The following BIN3 variants were observed in gnomAD, a reference collection of about 807,000 sequenced individuals.
BIN3 encodes the protein bridging integrator 3.
Under a neutral mutation model 38.2 loss-of-function variants are expected in BIN3, and 41 were observed. The observed-to-expected ratio is 1.07, with a 90% confidence interval of 0.84 to 1.39. BIN3 has a LOEUF of 1.39. Among genes scored for constraint, BIN3 ranks in the 40% most tolerant of loss-of-function variants. The probability of loss-of-function intolerance (pLI) is 0.00; values close to 1 mark genes in which losing one functional copy is unlikely to be tolerated. For missense variants in BIN3, 361 were observed against 324.3 expected (o/e 1.11, Z -0.87); for synonymous variants, 145 against 122.6 (o/e 1.18, Z -1.21).
At chr8:22,662,332 G>C (rs968716853) in intron 1 of BIN3, among the ~76,000 whole-genome samples, 1 of 152,188 alleles carries the variant, frequency 6.6e-6, no homozygotes, top group Non-Finnish European at 1.5e-5. Flanking sequence ...ACTTGGCATT[G>C]TCAGGCTTTA....
chr8:22,625,048 G>T, intron 6 of BIN3: 1 of 411,054 alleles, frequency 2.4e-6, no homozygotes, highest in Non-Finnish European at 4.4e-6. Context: ...CTCTGCCATT[G>T]GAACCGCCAA....
At chr8:22,639,085 G>C (rs1297369954) in intron 2 of BIN3, among the ~76,000 whole-genome samples, 3 of 152,242 alleles carry the variant, frequency 2.0e-5, no homozygotes, top group African/African-American at 7.2e-5. Context: ...TGGTGTGAAG[G>C]AGCCTCGCCA....
intron 2 of BIN3, among the ~76,000 whole-genome samples, chr8:22,644,111 T>A (rs1308486862): frequency 6.6e-6 from 1 of 152,260 alleles, no homozygotes; most frequent in African/African-American, 2.4e-5. Flanking sequence ...ATTTTCTTCA[T>A]CAGGAAAAAT....
intron 4 of BIN3, among the ~76,000 whole-genome samples, chr8:22,630,980 A>C (rs1345577575): frequency 6.6e-6 from 1 of 152,224 alleles, no homozygotes. Context: ...CTGGATGGAC[A>C]AGAATAACAG....
intron 2 of BIN3, among the ~76,000 whole-genome samples, chr8:22,644,112 C>T (rs1802644881): frequency 6.6e-6 from 1 of 152,196 alleles, no homozygotes; most frequent in Non-Finnish European, 1.5e-5. Flanking sequence ...TTTTCTTCAT[C>T]AGGAAAAATC....
Position 22,630,561 on chromosome 8 carries a change from C to T in BIN3, c.178G>A (p.Val60Met), listed in dbSNP as rs774842689. The stretch of plus-strand genomic sequence containing the variant: ...GAGAGTAAGTCCAAGGATATCTTCA[C>T]GGCAGATTTTGACATGGCTGTGGGA... ...DADLAMSKSA[V>M]KISLDLLSNP... The change falls in exon 5 of 9, where the codon GTG becomes ATG. Residue 60 changes from valine to methionine, a missense_variant. Coordinates refer to ENST00000276416, the MANE Select transcript of BIN3 (RefSeq NM_018688.6). The T allele has an allele frequency of 1.2e-5, 19 of 1,613,794 alleles. No individual in the cohort carries two copies. The highest frequency in any genetic ancestry group is 3.3e-5 in the South Asian group (3 of 91,084).
chr8:22,636,865 CA>C (rs1386482521), intron 3 of BIN3, 56 bp downstream of exon 3: 3 of 1,568,362 alleles, frequency 1.9e-6, no homozygotes. Flanking sequence ...TGAGACCTGG[CA>C]GGGGGCCCTT....
At chr8:22,655,659 A>C (rs968382090) in intron 1 of BIN3, among the ~76,000 whole-genome samples, 1 of 152,250 alleles carries the variant, frequency 6.6e-6, no homozygotes, top group Admixed American at 6.5e-5. Context: ...CACAACCTTC[A>C]TTACTGTAGC....
At chr8:22,633,238 A>C (rs978168275) in intron 4 of BIN3, among the ~76,000 whole-genome samples, 2 of 152,126 alleles carry the variant, frequency 1.3e-5, no homozygotes, top group African/African-American at 4.8e-5. Flanking sequence ...GGGAAGCTGA[A>C]GCAGGAGGAT....
chr8:22,651,724 A>G (rs948201968), intron 1 of BIN3, among the ~76,000 whole-genome samples: 2 of 152,210 alleles, frequency 1.3e-5, no homozygotes, highest in African/African-American at 4.8e-5. Flanking sequence ...ATTTTCTTAC[A>G]CAATCTTATA....
intron 1 of BIN3, among the ~76,000 whole-genome samples, chr8:22,649,807 AG>A (rs1554571350): frequency 7.0e-6 from 1 of 141,906 alleles, no homozygotes; most frequent in Non-Finnish European, 1.5e-5. Flanking sequence ...AAAAACGCAA[AG>A]GACAACACAC....
intron 6 of BIN3, 78 bp from the exon 7 acceptor site, chr8:22,624,441 G>C: frequency 6.5e-7 from 1 of 1,548,120 alleles, no homozygotes; most frequent in Non-Finnish European, 8.7e-7. Flanking sequence ...TCTTGGAGGG[G>C]TGGCCTGGCT....
At chr8:22,660,427 G>T (rs1215728051) in intron 1 of BIN3, among the ~76,000 whole-genome samples, 1 of 152,216 alleles carries the variant, frequency 6.6e-6, no homozygotes, top group African/African-American at 2.4e-5. Flanking sequence ...AGCTTCTGAG[G>T]TACCATCTTT....
At chr8:22,650,008 C>G (rs1197602475) in intron 1 of BIN3, among the ~76,000 whole-genome samples, 2 of 152,072 alleles carry the variant, frequency 1.3e-5, no homozygotes, top group Non-Finnish European at 2.9e-5. Flanking sequence ...CATTTTCACT[C>G]TCCTGATTTT....
At chr8:22,660,090 T>A (rs1254262346) in intron 1 of BIN3, among the ~76,000 whole-genome samples, 3 of 152,222 alleles carry the variant, frequency 2.0e-5, no homozygotes, top group Non-Finnish European at 4.4e-5. Context: ...TGCCTAAATT[T>A]GAGTGGCAAC....
chr8:22,643,917 CAGG>C (rs908237742), intron 2 of BIN3, among the ~76,000 whole-genome samples: 1 of 152,196 alleles, frequency 6.6e-6, no homozygotes, highest in Non-Finnish European at 1.5e-5. Flanking sequence ...ATTTGTGGGT[CAGG>C]AGGTTGAAAA....
At chr8:22,635,982 G>A (rs1585185969) in intron 4 of BIN3, among the ~76,000 whole-genome samples, 1 of 152,116 alleles carries the variant, frequency 6.6e-6, no homozygotes, top group Non-Finnish European at 1.5e-5. Context: ...ACCTCCCCAA[G>A]GGCCCTGGCT....
At chr8:22,638,789 A>G (rs550697953) in intron 2 of BIN3, among the ~76,000 whole-genome samples, 1 of 152,220 alleles carries the variant, frequency 6.6e-6, no homozygotes, top group East Asian at 1.9e-4. Context: ...CTGTGAAGTA[A>G]AACCCACCAT....
intron 4 of BIN3, among the ~76,000 whole-genome samples, chr8:22,632,116 T>G (rs544116277): frequency 6.6e-6 from 1 of 152,196 alleles, no homozygotes. Context: ...GAGAAAAAAT[T>G]GTTGTCAATC....
Sources: allele counts gnomAD v4.1 joint callset (sites outside exome capture counted in the v4.1 genomes callset), GRCh38; gene constraint gnomAD v4.1.1; transcripts MANE v1.5; gene names NCBI Gene and HGNC (gene_info 2026-07-23, HGNC 2026-07-21).